The following HTR1D variants were observed in gnomAD, a reference collection of about 807,000 sequenced individuals.
HTR1D encodes 5-hydroxytryptamine receptor 1D, also known as 5-HT-1D.
HTR1D carries 18 observed loss-of-function variants against 21.1 expected under a neutral mutation model. That is an observed-to-expected ratio of 0.85 (90% confidence interval 0.59 to 1.27). HTR1D has a LOEUF of 1.27. Among genes scored for constraint, HTR1D ranks in the 50% most tolerant of loss-of-function variants. The probability of loss-of-function intolerance (pLI) is 0.00; values close to 1 mark genes in which losing one functional copy is unlikely to be tolerated. For synonymous variants in HTR1D, 196 were observed against 204.4 expected (o/e 0.96, Z 0.35); for missense variants, 456 against 481.4 (o/e 0.95, Z 0.49).
chr1:23,212,967 C>T (rs1353725714), intron 1 of HTR1D, among the ~76,000 whole-genome samples: 5 of 152,118 alleles, frequency 3.3e-5, no homozygotes, highest in African/African-American at 1.2e-4. Flanking sequence ...GCTGGGATTA[C>T]AGGTGCATGC....
At position 23,194,449 on chromosome 1, in the gene HTR1D, G is replaced by A. The variant is rs1644677211; in HGVS notation, c.-230C>T. 1 of 293,832 alleles carries A rather than the reference G, an allele frequency of 3.4e-6. No homozygotes were observed. Among genetic ancestry groups the A allele is most frequent in the Non-Finnish European group, 6.6e-6 (1 of 150,648 alleles). 18.2% of individuals were successfully genotyped at this position (293,832 alleles called of 1,614,324 possible). ...AATATTAAACAAGACCGGACTATTT[G>A]AAGAATGCTGAGACAACTACCAGCT... is the stretch of plus-strand genomic sequence containing the variant. On this transcript the variant is annotated 5_prime_UTR_variant, in exon 2 of 2. Coordinates refer to ENST00000374619, the MANE Select transcript of HTR1D (RefSeq NM_000864.5).
In HTR1D at chr1:23,193,123, G is replaced by A. The variant is rs146071014; in HGVS notation, c.1097C>T (p.Ala366Val). The A allele has an allele frequency of 1.2e-4, 194 of 1,611,136 alleles. No individual in the cohort carries two copies. Among genetic ancestry groups the A allele is most frequent in the Non-Finnish European group, 1.6e-4 (188 of 1,178,958 alleles). Residue 366 changes from alanine (A) to valine (V), a missense_variant, in exon 2 of 2, where the codon GCT becomes GTT. Ala to Val is a moderately conservative substitution (Grantham distance 64). Transcript: ENST00000374619. ...CCGGAAAGGGACAATTTTCTGAAAA[G>A]CTTGCCGAAACTCTTCATTAAACAC... ...YTVFNEEFRQ[A>V]FQKIVPFRKA... is the part of the protein sequence containing the mutation.
In HTR1D at chr1:23,193,676, G is replaced by A; in HGVS notation, c.544C>T (p.Gln182Ter). 3 of 1,613,540 alleles carry A rather than the reference G, an allele frequency of 1.9e-6. No homozygotes were observed. In the South Asian group the frequency reaches 3.3e-5, roughly 18 times the overall value. The change falls in exon 2 of 2, where the codon CAG (glutamine) becomes TAG (stop). Residue 182 changes from glutamine (Q) to a stop codon, truncating the protein, a stop_gained. Transcript: ENST00000374619. LOFTEE classifies it high-confidence loss of function. ...PPLFWRQAKA[Q>*]EEMSDCLVNT... ...ACCAGACAGTCCGACATCTCCTCCT[G>A]GGCCTTGGCCTGCCGCCAGAAGAGC... is the stretch of plus-strand genomic sequence containing the variant.
intron 1 of HTR1D, among the ~76,000 whole-genome samples, chr1:23,214,515 A>G (rs1178322446): frequency 4.6e-5 from 7 of 152,122 alleles, no homozygotes; most frequent in Non-Finnish European, 1.0e-4. Context: ...CCCATGGCTT[A>G]CAAGGCCCTA....
chr1:23,217,300 G>T lies in HTR1D; in HGVS notation c.-792C>A, dbSNP rs1367386273. Among the ~76,000 whole-genome samples, 2 of 151,478 alleles carry T rather than the reference G, an allele frequency of 1.3e-5. No homozygotes were observed. Among genetic ancestry groups the T allele is most frequent in the Admixed American group, 1.3e-4 (2 of 15,232 alleles). ...GGCCCCGAGAGCTTACCCGCTGCCC[G>T]GCGGGCAGGTGCGCACACCCGGCGT... On this transcript the variant is annotated 5_prime_UTR_variant, in exon 1 of 2. Transcript: ENST00000374619. This position sits in a 1 kb window ranked among gnomAD's most constrained non-coding sequence, Gnocchi z 4.6.
Position 23,193,617 on chromosome 1 carries a change from G to T in HTR1D, c.603C>A (p.Ser201=), listed in dbSNP as rs1644671050. Residue 201 remains serine (S), a synonymous_variant, in exon 2 of 2, where the codon TCC becomes TCA. Coordinates refer to ENST00000374619, the MANE Select transcript of HTR1D (RefSeq NM_000864.5). ...NTSQISYTIY[S]TCGAFYIPSV... is the part of the protein sequence containing the mutation. ...AGGGAATGTAGAAGGCCCCACAGGT[G>T]GAGTAGATGGTGTAGGAGATCTGAG... is the stretch of plus-strand genomic sequence containing the variant. The T allele has an allele frequency of 6.2e-7, 1 of 1,614,134 alleles. No individual in the cohort carries two copies. The highest frequency in any genetic ancestry group is 8.5e-7 in the Non-Finnish European group (1 of 1,180,010).
chr1:23,195,330 G>A (rs1261463266), intron 1 of HTR1D, among the ~76,000 whole-genome samples: 2 of 152,048 alleles, frequency 1.3e-5, no homozygotes, highest in African/African-American at 4.8e-5. Flanking sequence ...AACGATAAAG[G>A]CCATCAGGAA....
intron 1 of HTR1D, among the ~76,000 whole-genome samples, chr1:23,215,660 G>A (rs999380307): frequency 6.6e-6 from 1 of 152,196 alleles, no homozygotes; most frequent in Non-Finnish European, 1.5e-5. Context: ...TGAGCCAGTG[G>A]TCCCGCCCTC....
rs1281562652 is a variant in HTR1D, at chr1:23,217,053, C to G, written c.-783+238G>C. ...ACGCGCGCGTGGGATCCCGCAGCCT[C>G]CCTGGGCGCTGCCTCAGTCCTCCCT... On this transcript the variant is annotated intron_variant, in intron 1 of 1. Coordinates refer to ENST00000374619, the MANE Select transcript of HTR1D (RefSeq NM_000864.5). This position sits in a 1 kb window ranked among gnomAD's most constrained non-coding sequence, Gnocchi z 4.6. 6.6e-6 allele frequency among the ~76,000 whole-genome samples: 1 copy of G among 152,038 alleles called. No individual in the cohort carries two copies.
chr1:23,204,178 T>A (rs977023467), intron 1 of HTR1D, among the ~76,000 whole-genome samples: 1 of 151,562 alleles, frequency 6.6e-6, no homozygotes, highest in Admixed American at 6.6e-5. Context: ...CAGGCTGGAG[T>A]GCAGTGGCAC....
intron 1 of HTR1D, among the ~76,000 whole-genome samples, chr1:23,203,402 G>A (rs1231618717): frequency 1.3e-5 from 2 of 152,198 alleles, no homozygotes; most frequent in East Asian, 3.8e-4. Context: ...GCTCACGCCT[G>A]TAATCCCAGT....
At chr1:23,201,437 G>A (rs938107496) in intron 1 of HTR1D, among the ~76,000 whole-genome samples, 2 of 152,154 alleles carry the variant, frequency 1.3e-5, no homozygotes, top group African/African-American at 2.4e-5. Flanking sequence ...GTCCATGAGC[G>A]ACCTTCTATC....
intron 1 of HTR1D, among the ~76,000 whole-genome samples, chr1:23,208,333 A>C (rs926390364): frequency 6.6e-6 from 1 of 152,112 alleles, no homozygotes; most frequent in African/African-American, 2.4e-5. Flanking sequence ...TCACTTTGGG[A>C]GGTCGAGGCG....
At chr1:23,200,007 T>C (rs1644703974) in intron 1 of HTR1D, among the ~76,000 whole-genome samples, 1 of 152,188 alleles carries the variant, frequency 6.6e-6, no homozygotes, top group Non-Finnish European at 1.5e-5. Flanking sequence ...TGCTCGGTAG[T>C]ATATGTAATT....
At chr1:23,213,067 C>G (rs958661329) in intron 1 of HTR1D, among the ~76,000 whole-genome samples, 1 of 151,032 alleles carries the variant, frequency 6.6e-6, no homozygotes, top group African/African-American at 2.4e-5. Flanking sequence ...CTCAAGTAAT[C>G]CACCTGCCTC....
At chr1:23,196,695 T>A (rs940438979) in intron 1 of HTR1D, among the ~76,000 whole-genome samples, 1 of 152,176 alleles carries the variant, frequency 6.6e-6, no homozygotes, top group Non-Finnish European at 1.5e-5. Flanking sequence ...CTAAGAGTCA[T>A]CCAACCTGTA....
chr1:23,211,863 T>A (rs1026404664), intron 1 of HTR1D, among the ~76,000 whole-genome samples: 1 of 151,904 alleles, frequency 6.6e-6, no homozygotes. Context: ...GGGGTCTCCC[T>A]ATGTTGCCCA....
chr1:23,209,971 A>G (rs1303582407), intron 1 of HTR1D, among the ~76,000 whole-genome samples: 1 of 152,152 alleles, frequency 6.6e-6, no homozygotes, highest in Non-Finnish European at 1.5e-5. Context: ...GCACAACCCA[A>G]AGGAAGGGGA....
intron 1 of HTR1D, among the ~76,000 whole-genome samples, chr1:23,198,553 G>A (rs1485206986): frequency 6.6e-6 from 1 of 152,174 alleles, no homozygotes; most frequent in Non-Finnish European, 1.5e-5. Flanking sequence ...TTCACTAGAA[G>A]ACAGCAACAA....
Sources: allele counts gnomAD v4.1 joint callset (sites outside exome capture counted in the v4.1 genomes callset), GRCh38; gene constraint gnomAD v4.1.1; non-coding constraint Gnocchi (gnomAD v3.1); transcripts MANE v1.5; gene names NCBI Gene and HGNC (gene_info 2026-07-23, HGNC 2026-07-21).